NDUFA10: variants seen among roughly 807,000 people sequenced by gnomAD.
NDUFA10 encodes NADH dehydrogenase [ubiquinone] 1 alpha subcomplex subunit 10, mitochondrial.
In NDUFA10, 40 loss-of-function variants were observed where a neutral mutation model predicts 47.8. The ratio of observed to expected loss-of-function variants is 0.84; its 90% CI spans 0.65 to 1.09. The LOEUF is 1.09. Ranked by LOEUF, NDUFA10 falls within the 50% of genes least tolerant of loss-of-function variation. The probability of loss-of-function intolerance (pLI) is 0.00; values close to 1 mark genes in which losing one functional copy is unlikely to be tolerated. For synonymous variants in NDUFA10, 183 were observed against 172.2 expected (o/e 1.06, Z -0.49); for missense variants, 413 against 451.1 (o/e 0.92, Z 0.76).
In NDUFA10 at chr2:239,938,237, T is replaced by C. The variant is rs1359706529; in HGVS notation, c.295-42923A>G. The stretch of plus-strand genomic sequence containing the variant: ...CAGCATGTAGCTCACAGCACCGTGA[T>C]ATGGAATAAACCTGTAGCGTGGCAA... On this transcript the variant is annotated intron_variant, in intron 4 of 5. Coordinates refer to the NDUFA10 transcript ENST00000419408. Among the ~76,000 whole-genome samples the C allele has an allele frequency of 9.2e-5, 14 of 152,262 alleles. No homozygotes were observed. In the East Asian group the frequency reaches 2.3e-3, roughly 25 times the overall value.
In NDUFA10 at chr2:239,990,097, G is replaced by A. The variant is rs762245412; in HGVS notation, c.976C>T (p.Arg326Cys). The A allele has an allele frequency of 7.6e-5, 123 of 1,612,072 alleles. 1 individual carries two copies. The highest frequency in any genetic ancestry group is 1.6e-4 in the Middle Eastern group (1 of 6,084). The change falls in exon 9 of 10, where the codon CGT (arginine) becomes TGT (cysteine). Residue 326 changes from arginine (R) to cysteine (C), a missense_variant. By Grantham distance (180) the Arg-to-Cys change is radical. Coordinates refer to ENST00000252711, the MANE Select transcript of NDUFA10 (RefSeq NM_004544.4). ...EVTIGAHQTD[R>C]VLHQFRELPG... ...ACCTCTCTGAACTGATGTAAGACACGGTCAGTCTGATGAGCTCCAATGGTG... is the reference window on the plus strand; with the variant it reads ...ACCTCTCTGAACTGATGTAAGACACAGTCAGTCTGATGAGCTCCAATGGTG...
At position 239,960,474 on chromosome 2, in the gene NDUFA10, A is replaced by C. The variant is rs1267930487; in HGVS notation, c.*644T>G. The C allele has an allele frequency of 4.0e-6, 4 of 989,800 alleles. No homozygotes were observed. The highest frequency in any genetic ancestry group is 3.6e-6 in the Non-Finnish European group (3 of 832,358). 61.3% of individuals were successfully genotyped at this position (989,800 alleles called of 1,614,324 possible). ...TTGAGACGCTGAGGACGGCCACGTG[A>C]ATCTTTCTCAACGTCTCTCTTAAAA... is the stretch of plus-strand genomic sequence containing the variant. On this transcript the variant is annotated 3_prime_UTR_variant, in exon 10 of 10. Transcript: ENST00000252711.
intron 4 of NDUFA10, among the ~76,000 whole-genome samples, chr2:239,934,394 C>A (rs928246196): frequency 6.7e-6 from 1 of 149,914 alleles, no homozygotes; most frequent in East Asian, 2.0e-4. Flanking sequence ...TGACGAACCA[C>A]GAACCAAATC....
intron 4 of NDUFA10, among the ~76,000 whole-genome samples, chr2:239,949,858 G>A (rs1021542108): frequency 7.9e-5 from 12 of 152,118 alleles, no homozygotes; most frequent in African/African-American, 2.4e-4. Context: ...TCTCCAGCTT[G>A]CAGACAGCAG....
chr2:240,024,226 G>GCC (rs974358165), intron 1 of NDUFA10, among the ~76,000 whole-genome samples: 2 of 152,202 alleles, frequency 1.3e-5, no homozygotes, highest in African/African-American at 4.8e-5. Flanking sequence ...CAACCAAGAT[G>GCC]CCCTTCAATT....
intron 9 of NDUFA10, among the ~76,000 whole-genome samples, chr2:239,964,346 C>T (rs1224151110): frequency 1.3e-5 from 2 of 152,124 alleles, no homozygotes; most frequent in Non-Finnish European, 2.9e-5. Flanking sequence ...TGGGCGGCCT[C>T]TAGAAGCTGG....
intron 9 of NDUFA10, among the ~76,000 whole-genome samples, chr2:239,962,173 T>C (rs540174514): frequency 2.4e-4 from 37 of 151,802 alleles, no homozygotes; most frequent in Non-Finnish European, 4.0e-4. Flanking sequence ...AGTTTTTTCA[T>C]ATTTTCAAAT....
chr2:239,899,068 GGTGTGATGGAGGA>G (rs1461915063), intron 4 of NDUFA10, among the ~76,000 whole-genome samples: 21 of 17,090 alleles, frequency 1.2e-3, no homozygotes, highest in Non-Finnish European at 1.5e-3. Flanking sequence ...GTGATGGAGG[GGTGTGATGGAGGA>G]GTGTGGAGGG....
chr2:240,005,009 T>C (rs896866000), intron 8 of NDUFA10, among the ~76,000 whole-genome samples: 4 of 152,214 alleles, frequency 2.6e-5, no homozygotes, highest in Admixed American at 1.3e-4. Flanking sequence ...GCAAAATGCC[T>C]GTTAAATTAA....
intron 4 of NDUFA10, among the ~76,000 whole-genome samples, chr2:239,934,566 C>T (rs553203570): frequency 3.0e-4 from 46 of 152,224 alleles, no homozygotes; most frequent in Non-Finnish European, 4.4e-4. Flanking sequence ...CAGGGTAATT[C>T]GCTTACCCAT....
At chr2:239,961,943 C>A (rs567445916) in intron 9 of NDUFA10, among the ~76,000 whole-genome samples, 1 of 152,148 alleles carries the variant, frequency 6.6e-6, no homozygotes, top group African/African-American at 2.4e-5. Flanking sequence ...GCTCAGGTGG[C>A]GGTCCACAGA....
downstream of NDUFA10, among the ~76,000 whole-genome samples, chr2:239,956,994 C>T (rs1244378743): frequency 6.6e-6 from 1 of 152,330 alleles, no homozygotes; most frequent in African/African-American, 2.4e-5. Flanking sequence ...CTCCTTCCCT[C>T]GCCTCCCAGG....
chr2:239,966,726 C>A (rs1005017955), intron 9 of NDUFA10, among the ~76,000 whole-genome samples: 1 of 152,140 alleles, frequency 6.6e-6, no homozygotes, highest in South Asian at 2.1e-4. Flanking sequence ...CCCTCTCCCC[C>A]ACCAACCGGA....
chr2:239,903,506 G>C (rs1199453235), intron 4 of NDUFA10, among the ~76,000 whole-genome samples: 1 of 152,152 alleles, frequency 6.6e-6, no homozygotes, highest in Non-Finnish European at 1.5e-5. Context: ...TGAGGCTCTG[G>C]GTGAAAGTCT....
intron 3 of NDUFA10, 68 bp from the exon 4 acceptor site, chr2:240,018,707 G>A: frequency 1.4e-6 from 2 of 1,466,534 alleles, no homozygotes; most frequent in Non-Finnish European, 1.9e-6. Context: ...ACTGATCACT[G>A]CATTCCAGAG....
At chr2:239,949,712 C>T (rs1413382352) in intron 4 of NDUFA10, among the ~76,000 whole-genome samples, 1 of 151,868 alleles carries the variant, frequency 6.6e-6, no homozygotes, top group Non-Finnish European at 1.5e-5. Flanking sequence ...TCCAACTCAG[C>T]CTCAAGCGAT....
At chr2:240,000,499 A>C (rs138907834) in intron 8 of NDUFA10, among the ~76,000 whole-genome samples, 10 of 152,366 alleles carry the variant, frequency 6.6e-5, no homozygotes, top group Admixed American at 5.9e-4. Context: ...GTTTATAAAG[A>C]AAGTTATAGT....
chr2:240,020,718 C>G (rs536146052), intron 3 of NDUFA10, among the ~76,000 whole-genome samples: 3 of 152,274 alleles, frequency 2.0e-5, no homozygotes, highest in South Asian at 4.1e-4. Context: ...TCTGCCTCCC[C>G]CCGTCATCTT....
At chr2:239,904,332 C>G (rs1442058864) in intron 4 of NDUFA10, among the ~76,000 whole-genome samples, 1 of 152,174 alleles carries the variant, frequency 6.6e-6, no homozygotes, top group East Asian at 1.9e-4. Flanking sequence ...TAGTCTCTCT[C>G]TGTCACCCAG....
Sources: allele counts gnomAD v4.1 joint callset (sites outside exome capture counted in the v4.1 genomes callset), GRCh38; gene constraint gnomAD v4.1.1; transcripts MANE v1.5; gene names NCBI Gene and HGNC (gene_info 2026-07-23, HGNC 2026-07-21).